The following IL22RA1 variants were observed in gnomAD, a reference collection of about 807,000 sequenced individuals.
The protein encoded by IL22RA1 is interleukin 22 receptor subunit alpha 1.
A neutral mutation model predicts 32.8 loss-of-function variants in IL22RA1; 25 were observed. The observed-to-expected ratio is 0.76, with a 90% confidence interval of 0.55 to 1.06. The LOEUF is 1.06. IL22RA1 is among the 50% of genes least tolerant of loss of function. The pLI, the probability that IL22RA1 is intolerant of heterozygous loss-of-function variation, is 0.00. For missense variants in IL22RA1, 709 were observed against 727.4 expected, an observed-to-expected ratio of 0.97 and a Z score of 0.29; for synonymous variants, 305 against 305.0, an observed-to-expected ratio of 1.00 and a Z score of 0.00.
At chr1:24,137,025 C>CCTT in intron 3 of IL22RA1, 106 bp downstream of exon 3, 1 of 1,094,218 alleles carries the variant, frequency 9.1e-7, no homozygotes, top group Non-Finnish European at 1.3e-6. Flanking sequence ...GCAGAGAGCC[C>CCTT]CTTCTGGACC....
intron 5 of IL22RA1, among the ~76,000 whole-genome samples, chr1:24,126,662 A>G (rs1349412259): frequency 6.6e-6 from 1 of 152,216 alleles, no homozygotes; most frequent in East Asian, 1.9e-4. Context: ...TACTGACATC[A>G]TGAATCTGAA....
At chr1:24,127,016 CAA>C (rs59069321) in intron 5 of IL22RA1, among the ~76,000 whole-genome samples, 9,919 of 72,670 alleles carry the variant, frequency 0.14, 446 homozygotes, top group Non-Finnish European at 0.19. Flanking sequence ...ACTAAAAATA[CAA>C]AAAAAAAAAA....
rs1644118340 is a variant in IL22RA1, at chr1:24,121,252, C to T, written c.1278G>A (p.Arg426=). ...GCTCTTTCTGAAGCTGACCTTTAGGCCTAAGGTGTTTAGGACTAGAAAGTG... is the reference window on the plus strand; with the variant it reads ...GCTCTTTCTGAAGCTGACCTTTAGGTCTAAGGTGTTTAGGACTAGAAAGTG... ...TGTLSSPKHL[R]PKGQLQKEPP... is the part of the protein sequence containing the mutation. The change falls in exon 7 of 7, where the codon AGG becomes AGA. Residue 426 remains arginine, a synonymous_variant. Coordinates refer to ENST00000270800, the MANE Select transcript of IL22RA1 (RefSeq NM_021258.4). The T allele has an allele frequency of 6.2e-7, 1 of 1,614,182 alleles. No homozygotes were observed. Among genetic ancestry groups the T allele is most frequent in the African/African-American group, 1.3e-5 (1 of 75,038 alleles).
intron 4 of IL22RA1, among the ~76,000 whole-genome samples, chr1:24,133,678 T>C (rs2148573758): frequency 6.6e-6 from 1 of 152,302 alleles, no homozygotes; most frequent in South Asian, 2.1e-4. Flanking sequence ...CATCTGAAGA[T>C]ATTAATAGAG....
Position 24,138,641 on chromosome 1 carries a change from C to G in IL22RA1, c.117G>C (p.Leu39=). 2.5e-6 allele frequency: 4 copies of G among 1,614,126 alleles called. No homozygotes were observed. Among genetic ancestry groups the G allele is most frequent in the Non-Finnish European group, 3.4e-6 (4 of 1,180,002 alleles). The change falls in exon 2 of 7, where the codon CTG becomes CTC. Residue 39 remains leucine, a synonymous_variant. Coordinates refer to ENST00000270800, the MANE Select transcript of IL22RA1 (RefSeq NM_021258.4). Reference sequence around the variant, plus strand: ...TGCCCTCCGGCCCGCTGTCCCACGTCAGGATGTTTTCAAAGTTGCTGGACT... The same window carrying G: ...TGCCCTCCGGCCCGCTGTCCCACGTGAGGATGTTTTCAAAGTTGCTGGACT... The part of the protein sequence containing the change: ...KFQSSNFENI[L]TWDSGPEGTP...
At chr1:24,127,601 C>T (rs1644174622) in intron 5 of IL22RA1, among the ~76,000 whole-genome samples, 1 of 152,214 alleles carries the variant, frequency 6.6e-6, no homozygotes, top group Admixed American at 6.5e-5. Context: ...GTGTGAGCCA[C>T]TGTGCCCGGC....
Position 24,121,462 on chromosome 1 carries a change from G to T in IL22RA1, c.1068C>A (p.Ala356=). The change falls in exon 7 of 7, where the codon GCC becomes GCA. Residue 356 remains alanine (A), a synonymous_variant. Transcript: ENST00000270800. ...CATAGGATGGGGGCCCGACCTCAGG[G>T]GCAGCGTTTGGGGCATAGGACAGTG... The part of the protein sequence containing the change: ...LSPLSYAPNA[A]PEVGPPSYAP... 1.3e-6 allele frequency: 2 copies of T among 1,545,558 alleles called. No individual in the cohort carries two copies. The highest frequency in any genetic ancestry group is 1.7e-6 in the Non-Finnish European group (2 of 1,143,998).
chr1:24,121,124 C>A lies in IL22RA1; in HGVS notation c.1406G>T (p.Gly469Val). The change falls in exon 7 of 7, where the codon GGG (glycine) becomes GTG (valine). Residue 469 changes from glycine to valine, a missense_variant. Coordinates refer to ENST00000270800, the MANE Select transcript of IL22RA1 (RefSeq NM_021258.4). ...GTCAGATGTTCTGTCTGTGCAAATC[C>A]CCAGGGGCTGGTGCAATGATTTTGC... ...QEAKSLHQPL[G>V]ICTDRTSDPN... 6.2e-7 allele frequency: 1 copy of A among 1,614,200 alleles called. No homozygotes were observed. The highest frequency in any genetic ancestry group is 8.5e-7 in the Non-Finnish European group (1 of 1,180,030).
At chr1:24,131,008 A>G (rs544526092) in intron 4 of IL22RA1, among the ~76,000 whole-genome samples, 9 of 152,334 alleles carry the variant, frequency 5.9e-5, no homozygotes, top group African/African-American at 2.2e-4. Context: ...CCTGGCCAAC[A>G]ATGATTTTAA....
chr1:24,131,788 C>T (rs75345424), intron 4 of IL22RA1, among the ~76,000 whole-genome samples: 10,421 of 152,210 alleles, frequency 0.068, 492 homozygotes, highest in Non-Finnish European at 0.1. Flanking sequence ...TTATAGCGCA[C>T]TCCACCAACC....
chr1:24,134,294 C>T lies in IL22RA1; in HGVS notation c.448G>A (p.Asp150Asn), dbSNP rs371037428. 1.5e-4 allele frequency: 236 copies of T among 1,609,460 alleles called. No individual in the cohort carries two copies. The highest frequency in any genetic ancestry group is 1.8e-4 in the Non-Finnish European group (217 of 1,177,738). ...TCTTCCAGGGTTAGCCGGTGGCCAT[C>T]GCCTGCACGGATTGGCGTGGGGGTA... ...HPTPTPIRAGDGHRLTLEDIF... is the reference protein window; with the variant it reads ...HPTPTPIRAGNGHRLTLEDIF... Residue 150 changes from aspartate (D) to asparagine (N), a missense_variant, in exon 4 of 7, where the codon GAT becomes AAT. Transcript: ENST00000270800.
intron 5 of IL22RA1, among the ~76,000 whole-genome samples, chr1:24,123,770 C>A (rs1177207729): frequency 1.3e-5 from 2 of 152,176 alleles, no homozygotes. Context: ...AAGCCCGCAG[C>A]GCACTGCAGG....
intron 2 of IL22RA1, among the ~76,000 whole-genome samples, chr1:24,137,516 CT>C (rs11428028): frequency 0.089 from 12,409 of 139,952 alleles, 602 homozygotes; most frequent in Non-Finnish European, 0.12. Flanking sequence ...TCCTTCCTTT[CT>C]TTTTTTTTTT....
In IL22RA1 at chr1:24,121,358, G is replaced by C. The variant is rs373831123; in HGVS notation, c.1172C>G (p.Ala391Gly). ...AISKVQPSSY[A>G]PQATPDSWPP... ...CCAGCTGTCCGGAGTGGCTTGAGGG[G>C]CATAGGAGGAAGGCTGGACCTTAGA... The change falls in exon 7 of 7, where the codon GCC becomes GGC. Residue 391 changes from alanine (A) to glycine (G), a missense_variant. Coordinates refer to ENST00000270800, the MANE Select transcript of IL22RA1 (RefSeq NM_021258.4). The C allele has an allele frequency of 7.6e-6, 12 of 1,588,644 alleles. No individual in the cohort carries two copies. The highest frequency in any genetic ancestry group is 1.0e-5 in the Non-Finnish European group (12 of 1,165,212).
intron 5 of IL22RA1, 31 bp from the exon 6 acceptor site, chr1:24,123,454 C>T (rs768538871): frequency 1.1e-5 from 18 of 1,606,226 alleles, no homozygotes; most frequent in East Asian, 4.5e-5. Context: ...GAGAAGGAAG[C>T]GTGAGGCTGG....
At chr1:24,129,501 A>T (rs969440956) in intron 4 of IL22RA1, among the ~76,000 whole-genome samples, 1 of 152,198 alleles carries the variant, frequency 6.6e-6, no homozygotes, top group African/African-American at 2.4e-5. Context: ...TAATTTTGAT[A>T]ATAGCATCAC....
At chr1:24,127,016 CAAAA>C (rs59069321) in intron 5 of IL22RA1, among the ~76,000 whole-genome samples, 277 of 72,834 alleles carry the variant, frequency 3.8e-3, no homozygotes, top group African/African-American at 0.013. Context: ...ACTAAAAATA[CAAAA>C]AAAAAAAAAA....
intron 4 of IL22RA1, among the ~76,000 whole-genome samples, chr1:24,132,812 G>C (rs1024254529): frequency 6.6e-6 from 1 of 151,564 alleles, no homozygotes; most frequent in Non-Finnish European, 1.5e-5. Context: ...ACCAGCCTGG[G>C]CAACACAGTG....
intron 1 of IL22RA1, among the ~76,000 whole-genome samples, chr1:24,142,806 C>G (rs537893013): frequency 6.6e-6 from 1 of 152,354 alleles, no homozygotes; most frequent in African/African-American, 2.4e-5. Context: ...TCCCTCAAGA[C>G]CCGAGGGTCC....
Sources: gnomAD v4.1 joint callset for allele counts (sites outside exome capture counted in the v4.1 genomes callset) on GRCh38, gnomAD v4.1.1 for gene constraint, MANE v1.5 for transcripts, NCBI Gene and HGNC (gene_info 2026-07-23, HGNC 2026-07-21) for gene names.